MYO18B: variants seen among roughly 807,000 people sequenced by gnomAD.
The protein encoded by MYO18B is myosin XVIIIB, also known as unconventional myosin-XVIIIb.
A neutral mutation model predicts 273.0 loss-of-function variants in MYO18B; 204 were observed. That is an observed-to-expected ratio of 0.75 (90% confidence interval 0.67 to 0.84). MYO18B has a LOEUF of 0.84. MYO18B is among the 40% of genes least tolerant of loss of function. The pLI is 0.00. For synonymous variants in MYO18B, 1,330 were observed against 1,305.7 expected, an observed-to-expected ratio of 1.02 and a Z score of -0.40; for missense variants, 3,212 against 3,287.6, an observed-to-expected ratio of 0.98 and a Z score of 0.56.
rs562221238 is a variant in MYO18B at position 25,992,577 on chromosome 22, G to T, written c.6287+84G>T. 9 of 1,573,626 alleles carry T rather than the reference G, an allele frequency of 5.7e-6. No individual in the cohort carries two copies. The East Asian group carries it at 2.0e-4, about 36-fold the overall frequency. Reference sequence around the variant, plus strand: ...CTCTATGCCCTTTAGCCGGGCTGGGGCCACATTCACTGGGAAACCCAAAGA... The same window carrying T: ...CTCTATGCCCTTTAGCCGGGCTGGGTCCACATTCACTGGGAAACCCAAAGA... On this transcript the variant is annotated intron_variant, in intron 40 of 43. Coordinates refer to ENST00000335473, the MANE Select transcript of MYO18B (RefSeq NM_032608.7).
Position 26,030,576 on chromosome 22 carries a change from A to C in MYO18B, c.*146A>C. The C allele has an allele frequency of 4.9e-6, 1 of 206,046 alleles. No individual in the cohort carries two copies. The highest frequency in any genetic ancestry group is 9.7e-6 in the Non-Finnish European group (1 of 102,984). 12.8% of individuals were successfully genotyped at this position (206,046 alleles called of 1,614,324 possible). A position where few individuals can be genotyped will look rare whatever the true frequency, so the allele number is the denominator to read the frequency against. On this transcript the variant is annotated 3_prime_UTR_variant, in exon 44 of 44. Transcript: ENST00000335473. ...AGAGGCGAGATGAGCCCACAGAGGC[A>C]TATCCTGCGGGGATGCTGGGCTCCC...
chr22:26,062,763 C>G, the MYO18B span, among the ~76,000 whole-genome samples: 11 of 152,316 alleles, frequency 7.2e-5, no homozygotes, highest in East Asian at 2.1e-3. Context: ...AATCCCCCTG[C>G]TGGCTTTGAA....
intron 26 of MYO18B, 38 bp from the exon 27 acceptor site, chr22:25,891,266 G>T: frequency 7.0e-7 from 1 of 1,428,146 alleles, no homozygotes; most frequent in East Asian, 2.5e-5. Context: ...CATGTCTTCT[G>T]TCCAGCTCTA....
intron 39 of MYO18B, chr22:25,983,507 A>G (rs560494741): frequency 3.3e-5 from 5 of 152,376 alleles, no homozygotes; most frequent in African/African-American, 1.2e-4. Context: ...TCTGTCTGAA[A>G]TAATGAAGCC....
At chr22:25,890,945 C>A in intron 26 of MYO18B, 70 bp downstream of exon 26, 2 of 1,554,692 alleles carry the variant, frequency 1.3e-6, no homozygotes, top group Non-Finnish European at 1.7e-6. Flanking sequence ...GCTCCCCGAC[C>A]CTCTCATTGG....
chr22:25,833,199 AT>A (rs1186421394), intron 16 of MYO18B, among the ~76,000 whole-genome samples: 1 of 152,192 alleles, frequency 6.6e-6, no homozygotes, highest in African/African-American at 2.4e-5. Context: ...AACAGTGGAA[AT>A]TTAAGCATCA....
In MYO18B at chr22:25,835,280, C is replaced by T. The variant is rs759594930; in HGVS notation, c.3061-16C>T. The T allele has an allele frequency of 1.9e-6, 3 of 1,611,534 alleles. No homozygotes were observed. Among genetic ancestry groups the T allele is most frequent in the East Asian group, 4.5e-5 (2 of 44,868 alleles). On this transcript the variant is annotated splice_polypyrimidine_tract_variant and intron_variant, in intron 16 of 43. Coordinates refer to ENST00000335473, the MANE Select transcript of MYO18B (RefSeq NM_032608.7). The stretch of plus-strand genomic sequence containing the variant: ...GGGTATCAGGGCCCTTCAGTGAATC[C>T]TGGTTCTCCCAGCAGGTCCGCTTAC...
intron 12 of MYO18B, among the ~76,000 whole-genome samples, chr22:25,807,011 A>G (rs540107874): frequency 6.6e-6 from 1 of 152,380 alleles, no homozygotes; most frequent in East Asian, 1.9e-4. Context: ...AGTAAGCAGT[A>G]ACTCTCTTTT....
chr22:25,972,253 G>T (rs28557080), intron 39 of MYO18B, among the ~76,000 whole-genome samples: 7 of 151,926 alleles, frequency 4.6e-5, no homozygotes, highest in Non-Finnish European at 8.8e-5. Context: ...CCAGAACCCC[G>T]ATTTGTGATT....
intron 4 of MYO18B, chr22:25,769,900 G>T (rs997546664): frequency 7.4e-5 from 43 of 584,056 alleles, no homozygotes; most frequent in Non-Finnish European, 1.3e-4. Flanking sequence ...CTGTCACCCA[G>T]GCTAGATGGT....
chr22:25,757,667 C>A (rs1448739267), intron 1 of MYO18B, among the ~76,000 whole-genome samples: 1 of 152,046 alleles, frequency 6.6e-6, no homozygotes, highest in East Asian at 1.9e-4. Context: ...GGGTGTCTCT[C>A]AGGAGGGGTC....
Position 25,812,782 on chromosome 22 carries a change from C to G in MYO18B, c.2522-10723C>G, listed in dbSNP as rs868844314. 1.3e-5 allele frequency among the ~76,000 whole-genome samples: 2 copies of G among 152,312 alleles called. 1 individual carries two copies. Among genetic ancestry groups the G allele is most frequent in the Middle Eastern group, 6.8e-3 (2 of 294 alleles). On this transcript the variant is annotated intron_variant, in intron 12 of 43. Coordinates refer to ENST00000335473, the MANE Select transcript of MYO18B (RefSeq NM_032608.7). The stretch of plus-strand genomic sequence containing the variant: ...GGAGAGTCCAAGGGCTGGAAAGGGA[C>G]TTGGACTGCAGTCAGCCTAAGCCGC...
intron 15 of MYO18B, 70 bp from the exon 16 acceptor site, chr22:25,832,845 TCC>T: frequency 2.9e-6 from 4 of 1,388,744 alleles, no homozygotes; most frequent in Admixed American, 3.6e-5. Context: ...CTCCGCTTTT[TCC>T]TTCTTCAGAA....
chr22:26,023,488 TCCTCCTCTA>T (rs1168739295), intron 42 of MYO18B, among the ~76,000 whole-genome samples: 1 of 148,988 alleles, frequency 6.7e-6, no homozygotes, highest in Non-Finnish European at 1.5e-5. Flanking sequence ...CTCCTCCTCC[TCCTCCTCTA>T]CCTCCTCCCT....
At chr22:25,768,059 CA>C (rs1277816892) in intron 3 of MYO18B, 55 bp from the exon 4 acceptor site, 1 of 1,418,126 alleles carries the variant, frequency 7.1e-7, no homozygotes, top group South Asian at 1.4e-5. Flanking sequence ...GAGTGAATGA[CA>C]AAGCTGTCAG....
chr22:25,900,645 C>G (rs538165013), intron 29 of MYO18B: 1 of 152,472 alleles, frequency 6.6e-6, no homozygotes, highest in East Asian at 1.9e-4. Flanking sequence ...GGACCCAAGG[C>G]CCTTTCTTAA....
chr22:25,949,947 G>T (rs2146616415), intron 36 of MYO18B, among the ~76,000 whole-genome samples: 1 of 152,272 alleles, frequency 6.6e-6, no homozygotes, highest in Admixed American at 6.5e-5. Context: ...AGCTGAGATT[G>T]TCAGTCCGTT....
intron 3 of MYO18B, among the ~76,000 whole-genome samples, chr22:25,767,541 G>A (rs1280863992): frequency 6.6e-6 from 1 of 152,196 alleles, no homozygotes; most frequent in South Asian, 2.1e-4. Flanking sequence ...AGAAGAGATG[G>A]TAGCCCAGAT....
In MYO18B at chr22:25,902,564, C is replaced by T; in HGVS notation, c.4824-49C>T. The T allele has an allele frequency of 2.5e-6, 4 of 1,575,026 alleles. No homozygotes were observed. The South Asian group carries it at 4.7e-5, about 19-fold the overall frequency. ...CTCCCTGCCCCTGCCTCAATCACTC[C>T]CCTGCCCACCTGCCTACGGGGCCCT... On this transcript the variant is annotated intron_variant, in intron 29 of 43. Transcript: ENST00000335473.
Sources: allele counts gnomAD v4.1 joint callset (sites outside exome capture counted in the v4.1 genomes callset), GRCh38; gene constraint gnomAD v4.1.1; transcripts MANE v1.5; gene names NCBI Gene and HGNC (gene_info 2026-07-23, HGNC 2026-07-21).